The following PRSS56 variants were observed in gnomAD, a reference collection of about 807,000 sequenced individuals.
The protein encoded by PRSS56 is protease, serine 56.
In PRSS56, 55 loss-of-function variants were observed where a neutral mutation model predicts 66.8. That is an observed-to-expected ratio of 0.82 (90% CI 0.66 to 1.03). The LOEUF (loss-of-function observed/expected upper bound fraction) is 1.03, where lower values mean the gene tolerates loss of function less well. Ranked by LOEUF, PRSS56 falls within the 50% of genes least tolerant of loss-of-function variation. The pLI is 0.00. For missense variants in PRSS56, 869 were observed against 837.2 expected (o/e 1.04, Z -0.47); for synonymous variants, 409 against 387.9 (o/e 1.05, Z -0.64).
At chr2:232,523,975 G>C (rs1321151974) in intron 9 of PRSS56, 30 bp downstream of exon 9, 3 of 1,520,226 alleles carry the variant, frequency 2.0e-6, no homozygotes, top group Admixed American at 2.0e-5. Flanking sequence ...ACCCGGACGG[G>C]GGGCAGAGGG....
chr2:232,525,160 G>T (rs1234969677), intron 12 of PRSS56, 56 bp from the exon 13 acceptor site: 12 of 1,419,742 alleles, frequency 8.5e-6, no homozygotes, highest in Non-Finnish European at 8.3e-6. Context: ...TGACCTCTGG[G>T]GTTTCAACTC....
chr2:232,520,672 G>T lies in PRSS56; in HGVS notation c.74G>T (p.Arg25Leu), dbSNP rs1407038105. 6.5e-7 allele frequency: 1 copy of T among 1,535,156 alleles called. No individual in the cohort carries two copies. Among genetic ancestry groups the T allele is most frequent in the Non-Finnish European group, 8.7e-7 (1 of 1,146,188 alleles). ...GCCCACGGGCACCCACTGTACACAC[G>T]CCTGCCCCCCAGCGCCCTGCAAGGT... ...WFAHGHPLYTRLPPSALQVLS... is the reference protein window; with the variant it reads ...WFAHGHPLYTLLPPSALQVLS... Residue 25 changes from arginine (R) to leucine (L), a missense_variant, in exon 1 of 13, where the codon CGC (arginine) becomes CTC (leucine). Arg to Leu is a moderately radical substitution (Grantham distance 102). Coordinates refer to ENST00000617714, the MANE Select transcript of PRSS56 (RefSeq NM_001195129.2).
rs1374405453 is a variant in PRSS56, at chr2:232,523,937, G to T, written c.1178G>T (p.Arg393Leu). 1 of 1,507,308 alleles carries T rather than the reference G, an allele frequency of 6.6e-7. No homozygotes were observed. Among genetic ancestry groups the T allele is most frequent in the East Asian group, 2.5e-5 (1 of 39,898 alleles). The allele number at this position is 1,507,308 out of a possible 1,614,324, so 93.4% of individuals were successfully genotyped here. The change falls in exon 9 of 13, where the codon CGG becomes CTG. Residue 393 changes from arginine (R) to leucine (L), a missense_variant. By Grantham distance (102) the Arg-to-Leu change is moderately radical. This residue lies in a region of PRSS56 where 551 missense variants were observed against 506.9 expected (regional missense o/e 1.09). Transcript: ENST00000617714. ...LAHQQCLQRRRRCELRSLAHT... is the reference protein window; with the variant it reads ...LAHQQCLQRRLRCELRSLAHT... ...CACCAGCAGTGCCTGCAGCGCCGGC[G>T]GCGATGCGGTCAGTTCTGTTCACCC...
At chr2:232,523,688 A>G (rs1691334910) in intron 8 of PRSS56, 84 bp from the exon 9 acceptor site, 3 of 1,522,678 alleles carry the variant, frequency 2.0e-6, no homozygotes, top group Admixed American at 2.0e-5. Flanking sequence ...CTGCCTCGGG[A>G]AAGCCTGTCT....
chr2:232,521,208 A>G, intron 1 of PRSS56, 113 bp from the exon 2 acceptor site: 1 of 799,234 alleles, frequency 1.3e-6, no homozygotes, highest in East Asian at 2.7e-5. Flanking sequence ...TTGCCTCCTC[A>G]TTCTGTCCCA....
In PRSS56 at chr2:232,523,537, G is replaced by T; in HGVS notation, c.971G>T (p.Arg324Leu). Residue 324 changes from arginine to leucine, a missense_variant, in exon 8 of 13, where the codon CGC becomes CTC. Physicochemically the swap from Arg to Leu is moderately radical, Grantham distance 102. This residue lies in a region of PRSS56 where 551 missense variants were observed against 506.9 expected (regional missense o/e 1.09). Coordinates refer to ENST00000617714, the MANE Select transcript of PRSS56 (RefSeq NM_001195129.2). Reference sequence around the variant, plus strand: ...CCAGGGAAGCCCGGGGTCTACACCCGCGTGGCAGTGTTCAAGGACTGGCTC... The same window carrying T: ...CCAGGGAAGCCCGGGGTCTACACCCTCGTGGCAGTGTTCAAGGACTGGCTC... ...GEPGKPGVYTRVAVFKDWLQE... is the reference protein window; with the variant it reads ...GEPGKPGVYTLVAVFKDWLQE... 2.0e-6 allele frequency: 3 copies of T among 1,532,442 alleles called. No individual in the cohort carries two copies. Among genetic ancestry groups the T allele is most frequent in the Non-Finnish European group, 2.6e-6 (3 of 1,145,528 alleles). The allele number at this position is 1,532,442 out of a possible 1,614,324, so 94.9% of individuals were successfully genotyped here. A position where few individuals can be genotyped will look rare whatever the true frequency, so the allele number is the denominator to read the frequency against.
At chr2:232,523,656 C>T in intron 8 of PRSS56, 78 bp downstream of exon 8, 1 of 1,510,730 alleles carries the variant, frequency 6.6e-7, no homozygotes, top group Non-Finnish European at 8.8e-7. Context: ...CCACCCGGCC[C>T]ATGCCCATTC....
chr2:232,523,002 G>A, intron 6 of PRSS56, 58 bp from the exon 7 acceptor site: 1 of 1,509,354 alleles, frequency 6.6e-7, no homozygotes, highest in Non-Finnish European at 8.8e-7. Context: ...GTGGGAAGGG[G>A]ACCCTCAAGG....
rs1455946494 is a variant in PRSS56, at chr2:232,523,961, C to A, written c.1186+16C>A. On this transcript the variant is annotated intron_variant, in intron 9 of 12. Coordinates refer to ENST00000617714, the MANE Select transcript of PRSS56 (RefSeq NM_001195129.2). ...CGGCGATGCGGTCAGTTCTGTTCAC[C>A]CGGACCCGGACGGGGGGCAGAGGGG... The A allele has an allele frequency of 4.0e-6, 6 of 1,515,238 alleles. No homozygotes were observed. The highest frequency in any genetic ancestry group is 4.4e-6 in the Non-Finnish European group (5 of 1,138,138). The allele number at this position is 1,515,238 out of a possible 1,614,324, so 93.9% of individuals were successfully genotyped here.
chr2:232,521,872 G>T lies in PRSS56; in HGVS notation c.256+6G>T, dbSNP rs1244242334. On this transcript the variant is annotated splice_donor_region_variant and intron_variant, in intron 3 of 12. Coordinates refer to ENST00000617714, the MANE Select transcript of PRSS56 (RefSeq NM_001195129.2). ...CCAGGACCCACCTGAGCCAGGTGAG[G>T]TTGAAAAGGCTCGAGGGGGCAGGCC... 9 of 1,535,524 alleles carry T rather than the reference G, an allele frequency of 5.9e-6. No homozygotes were observed. The highest frequency in any genetic ancestry group is 2.7e-5 in the African/African-American group (2 of 73,014).
rs751017393 is a variant in PRSS56 at position 232,521,367 on chromosome 2, C to T, written c.144C>T (p.Ser48=). ...AGGCGTTGCAGGCAGCCCAGAGGAG[C>T]GCCCAGTGGGCAATAAACCGAGTGG... ...GTQALQAAQR[S]AQWAINRVAM... is the part of the protein sequence containing the mutation. The change falls in exon 2 of 13, where the codon AGC becomes AGT. Residue 48 remains serine, a synonymous_variant. Transcript: ENST00000617714. The T allele has an allele frequency of 9.0e-5, 138 of 1,536,136 alleles. 1 individual carries two copies. In the Middle Eastern group the frequency reaches 1.5e-3, roughly 17 times the overall value.
intron 1 of PRSS56, 26 bp downstream of exon 1, chr2:232,520,721 G>T (rs747203094): frequency 5.9e-5 from 87 of 1,466,022 alleles, no homozygotes; most frequent in African/African-American, 1.3e-4. Flanking sequence ...CCCGAGAGCC[G>T]CGGGGTTGGG....
chr2:232,524,487 C>G (rs1258773580), intron 11 of PRSS56, 118 bp downstream of exon 11: 1 of 959,924 alleles, frequency 1.0e-6, no homozygotes, highest in East Asian at 2.7e-5. Flanking sequence ...AGGGTGGACT[C>G]GTTCTCCCCT....
chr2:232,524,242 GC>G (rs1387562844), intron 10 of PRSS56, 39 bp downstream of exon 10: 2 of 1,534,126 alleles, frequency 1.3e-6, no homozygotes, highest in Admixed American at 3.9e-5. Context: ...CCCTGGCCCG[GC>G]CCCACCCGCG....
Position 232,520,561 on chromosome 2 carries a change from G to C in PRSS56, c.-38G>C, listed in dbSNP as rs1691255035. The C allele has an allele frequency of 6.7e-7, 1 of 1,497,782 alleles. No homozygotes were observed. Among genetic ancestry groups the C allele is most frequent in the Non-Finnish European group, 9.0e-7 (1 of 1,111,992 alleles). 92.8% of individuals were successfully genotyped at this position (1,497,782 alleles called of 1,614,324 possible). A position where few individuals can be genotyped will look rare whatever the true frequency, so the allele number is the denominator to read the frequency against. Reference sequence around the variant, plus strand: ...CCCGGAAGGTGGACTCCGAGGAGGAGAGAGGACAGGGGTCTCTCACCCCAG... The same window carrying C: ...CCCGGAAGGTGGACTCCGAGGAGGACAGAGGACAGGGGTCTCTCACCCCAG... On this transcript the variant is annotated 5_prime_UTR_variant, in exon 1 of 13. Transcript: ENST00000617714.
intron 11 of PRSS56, 133 bp from the exon 12 acceptor site, chr2:232,524,605 C>T (rs910803072): frequency 8.1e-6 from 6 of 739,506 alleles, no homozygotes; most frequent in Non-Finnish European, 1.1e-5. Flanking sequence ...CTCCGAGCCT[C>T]AGTTTCCCCA....
In PRSS56 at chr2:232,524,049, G is replaced by T. The variant is rs746235690; in HGVS notation, c.1197G>T (p.Ser399=). 6.6e-7 allele frequency: 1 copy of T among 1,524,542 alleles called. No individual in the cohort carries two copies. The highest frequency in any genetic ancestry group is 8.7e-7 in the Non-Finnish European group (1 of 1,142,882). The allele number at this position is 1,524,542 out of a possible 1,614,324, so 94.4% of individuals were successfully genotyped here. A position where few individuals can be genotyped will look rare whatever the true frequency, so the allele number is the denominator to read the frequency against. ...CTGTCCGGTCCGCAGAGCTGCGCTC[G>T]CTGGCGCACACGCTGCTGGGCCTGC... ...LQRRRRCELR[S]LAHTLLGLLR... Residue 399 remains serine (S), a synonymous_variant, in exon 10 of 13, where the codon TCG becomes TCT. Coordinates refer to ENST00000617714, the MANE Select transcript of PRSS56 (RefSeq NM_001195129.2).
At chr2:232,521,774 C>A (rs79343328) in intron 2 of PRSS56, 42 bp from the exon 3 acceptor site, 4 of 1,529,888 alleles carry the variant, frequency 2.6e-6, no homozygotes, top group African/African-American at 2.7e-5. Context: ...TGAGGACAGG[C>A]GAGAGGGCAG....
intron 12 of PRSS56, 60 bp downstream of exon 12, chr2:232,524,904 AG>A: frequency 7.4e-7 from 1 of 1,352,740 alleles, no homozygotes; most frequent in Non-Finnish European, 1.0e-6. Context: ...GACCCAGCCC[AG>A]GGAAGATGCA....
Sources: gnomAD v4.1 joint callset for allele counts on GRCh38, gnomAD v4.1.1 for gene constraint, gnomAD v4.1.1 regional missense constraint, MANE v1.5 for transcripts, NCBI Gene and HGNC (gene_info 2026-07-23, HGNC 2026-07-21) for gene names.